Variants in CACNA2D3 observed in about 807,000 individuals in gnomAD.
CACNA2D3 encodes the protein voltage-dependent calcium channel subunit alpha-2/delta-3.
CACNA2D3 carries 60 observed loss-of-function variants against 160.6 expected under a neutral mutation model. That is an observed-to-expected ratio of 0.37 (90% confidence interval 0.30 to 0.46). The LOEUF (loss-of-function observed/expected upper bound fraction) is 0.46, where lower values mean the gene tolerates loss of function less well. Ranked by LOEUF, CACNA2D3 falls within the 20% of genes least tolerant of loss-of-function variation. The probability of loss-of-function intolerance (pLI) is 1.00; values close to 1 mark genes in which losing one functional copy is unlikely to be tolerated. For synonymous variants in CACNA2D3, 558 were observed against 492.9 expected (o/e 1.13, Z -1.75); for missense variants, 1,205 against 1,365.0 (o/e 0.88, Z 1.85).
At chr3:54,281,088 T>C (rs578053016) in intron 2 of CACNA2D3, among the ~76,000 whole-genome samples, 2 of 152,340 alleles carry the variant, frequency 1.3e-5, no homozygotes, top group East Asian at 3.9e-4. Flanking sequence ...AAATGAGTGC[T>C]GGCTGAGGCC....
chr3:54,951,099 C>A (rs1701745641), intron 27 of CACNA2D3, among the ~76,000 whole-genome samples: 1 of 152,150 alleles, frequency 6.6e-6, no homozygotes, highest in South Asian at 2.1e-4. Context: ...CAGAACGCTC[C>A]AACTATAATA....
intron 21 of CACNA2D3, among the ~76,000 whole-genome samples, chr3:54,883,823 C>CTCTCTCTCTCTCTCTCTCTCTCTCCT (rs60132112): frequency 2.2e-5 from 2 of 88,920 alleles, no homozygotes; most frequent in South Asian, 4.6e-4. Flanking sequence ...CTCTCTCTCT[C>CTCTCTCTCTCTCTCTCTCTCTCTCCT]CTCTCTCTCC....
chr3:55,022,653 C>G (rs1209162643), intron 35 of CACNA2D3, among the ~76,000 whole-genome samples: 1 of 134,286 alleles, frequency 7.4e-6, no homozygotes, highest in Non-Finnish European at 1.6e-5. Context: ...CTTCCTTCCT[C>G]TCTCTCCTTT....
chr3:54,989,672 G>C (rs1702695486), intron 31 of CACNA2D3, among the ~76,000 whole-genome samples: 1 of 152,216 alleles, frequency 6.6e-6, no homozygotes, highest in South Asian at 2.1e-4. Context: ...GTCAGAGCTA[G>C]TGAGATCATA....
chr3:54,652,081 C>T (rs1037383501), intron 11 of CACNA2D3, among the ~76,000 whole-genome samples: 1 of 152,114 alleles, frequency 6.6e-6, no homozygotes, highest in African/African-American at 2.4e-5. Context: ...CTTGGAAAGG[C>T]GTTAAGATCA....
intron 28 of CACNA2D3, among the ~76,000 whole-genome samples, chr3:54,969,045 T>G (rs1015508986): frequency 9.2e-5 from 14 of 152,172 alleles, no homozygotes; most frequent in African/African-American, 3.4e-4. Context: ...CACTGATAAG[T>G]TGCTTCCATC....
At chr3:54,788,623 C>T (rs1027267425) in intron 13 of CACNA2D3, among the ~76,000 whole-genome samples, 2 of 152,194 alleles carry the variant, frequency 1.3e-5, no homozygotes, top group Non-Finnish European at 2.9e-5. Context: ...GGCTCCTTGA[C>T]AACTCAATGG....
At chr3:54,942,300 A>G (rs1022214829) in intron 27 of CACNA2D3, among the ~76,000 whole-genome samples, 23 of 152,306 alleles carry the variant, frequency 1.5e-4, no homozygotes, top group African/African-American at 5.3e-4. Flanking sequence ...AAGCTCAAAG[A>G]TTCAGACTCT....
At chr3:54,674,992 A>G (rs867695598) in intron 11 of CACNA2D3, among the ~76,000 whole-genome samples, 2 of 152,278 alleles carry the variant, frequency 1.3e-5, no homozygotes, top group East Asian at 1.9e-4. Flanking sequence ...AGTGAGCCCA[A>G]TGCTGAAGTA....
At chr3:54,542,758 C>A (rs1340687111) in intron 5 of CACNA2D3, among the ~76,000 whole-genome samples, 4 of 152,108 alleles carry the variant, frequency 2.6e-5, no homozygotes, top group Non-Finnish European at 5.9e-5. Context: ...TCTCCCAGCC[C>A]ACTGACTCAA....
At chr3:54,637,272 A>G (rs1699397402) in intron 10 of CACNA2D3, among the ~76,000 whole-genome samples, 1 of 151,750 alleles carries the variant, frequency 6.6e-6, no homozygotes, top group Admixed American at 6.6e-5. Context: ...GGTTTTAATG[A>G]GATGGTAAGG....
At chr3:55,033,816 A>ATTAAATATATTT (rs1445152408) in intron 35 of CACNA2D3, among the ~76,000 whole-genome samples, 7,552 of 106,976 alleles carry the variant, frequency 0.071, 1,382 homozygotes, top group African/African-American at 0.26. Flanking sequence ...TGTATTATAT[A>ATTAAATATATTT]TTAAATATAT....
In CACNA2D3 at chr3:54,896,779, C is replaced by G; in HGVS notation, c.2277C>G (p.Asn759Lys). 1 of 1,614,036 alleles carries G rather than the reference C, an allele frequency of 6.2e-7. No individual in the cohort carries two copies. The highest frequency in any genetic ancestry group is 8.5e-7 in the Non-Finnish European group (1 of 1,179,878). The change falls in exon 26 of 38, where the codon AAC (asparagine) becomes AAG (lysine). Residue 759 changes from asparagine (N) to lysine (K), a missense_variant. Asn to Lys is a moderately conservative substitution (Grantham distance 94). Around this residue, in one of 3 missense-constraint regions of CACNA2D3, gnomAD observed 911 missense variants for 1,002.2 expected, o/e 0.91. Transcript: ENST00000474759. ...TCCTGAAAGCTGGCGACAAGGAGAACATTTTTAACGCAGACCATTTCCCTC... is the reference window on the plus strand; with the variant it reads ...TCCTGAAAGCTGGCGACAAGGAGAAGATTTTTAACGCAGACCATTTCCCTC... ...QDFLKAGDKE[N>K]IFNADHFPLW... is the part of the protein sequence containing the mutation.
chr3:54,136,536 A>G lies in CACNA2D3; in HGVS notation c.204+12942A>G, dbSNP rs202149532. The stretch of plus-strand genomic sequence containing the variant: ...AATACTCAATGAGGTGTGCAGAGCT[A>G]TGTTGGGCACCCAAATCCCTTTGCT... On this transcript the variant is annotated intron_variant, in intron 2 of 37. Transcript: ENST00000474759. Among the ~76,000 whole-genome samples the G allele has an allele frequency of 9.2e-5, 14 of 152,278 alleles. No homozygotes were observed. In the East Asian group the frequency reaches 2.7e-3, roughly 29 times the overall value.
At chr3:54,734,111 C>T (rs1036972586) in intron 11 of CACNA2D3, among the ~76,000 whole-genome samples, 6 of 151,756 alleles carry the variant, frequency 4.0e-5, no homozygotes, top group Admixed American at 1.3e-4. Flanking sequence ...TTGTGTCTGG[C>T]GAAACTGCTC....
chr3:55,064,933 C>A (rs1704601618), intron 35 of CACNA2D3, among the ~76,000 whole-genome samples: 1 of 152,156 alleles, frequency 6.6e-6, no homozygotes, highest in Non-Finnish European at 1.5e-5. Flanking sequence ...CCTGAGAACA[C>A]TTCCTTCGTT....
chr3:54,868,555 GAAGTC>G (rs1322756996), intron 17 of CACNA2D3, among the ~76,000 whole-genome samples: 1 of 152,286 alleles, frequency 6.6e-6, no homozygotes, highest in East Asian at 1.9e-4. Flanking sequence ...GGGAGGATCA[GAAGTC>G]AAGAATTCTC....
intron 3 of CACNA2D3, among the ~76,000 whole-genome samples, chr3:54,360,815 A>G (rs1698728936): frequency 6.6e-6 from 1 of 152,156 alleles, no homozygotes; most frequent in Non-Finnish European, 1.5e-5. Flanking sequence ...GGGGCCATTC[A>G]ACCCCATCAC....
chr3:54,250,534 A>G (rs369846474), intron 2 of CACNA2D3, among the ~76,000 whole-genome samples: 179 of 152,150 alleles, frequency 1.2e-3, no homozygotes, highest in African/African-American at 3.9e-3. Flanking sequence ...CCTGGGCTCA[A>G]GTGATCCTCT....
Sources: gnomAD v4.1 joint callset for allele counts (sites outside exome capture counted in the v4.1 genomes callset) on GRCh38, gnomAD v4.1.1 for gene constraint, gnomAD v4.1.1 regional missense constraint, MANE v1.5 for transcripts, NCBI Gene and HGNC (gene_info 2026-07-23, HGNC 2026-07-21) for gene names.